ACCSL: variants seen among roughly 807,000 people sequenced by gnomAD.
The protein encoded by ACCSL is probable inactive 1-aminocyclopropane-1-carboxylate synthase-like protein 2.
ACCSL carries 55 observed loss-of-function variants against 61.7 expected under a neutral mutation model. That is an observed-to-expected ratio of 0.89 (90% CI 0.72 to 1.12). ACCSL has a LOEUF of 1.12. ACCSL is among the 50% of genes most tolerant of loss of function. ACCSL has a pLI of 0.00. For synonymous variants in ACCSL, 258 were observed against 264.3 expected, an observed-to-expected ratio of 0.98 and a Z score of 0.23; for missense variants, 632 against 698.0, an observed-to-expected ratio of 0.91 and a Z score of 1.07.
chr11:44,009,462 G>C, the ACCSL span, among the ~76,000 whole-genome samples: 1 of 152,154 alleles, frequency 6.6e-6, no homozygotes. Flanking sequence ...AGAAGAAAAA[G>C]CTGCATATAA....
the ACCSL span, chr11:43,926,341 G>C: frequency 9.8e-6 from 3 of 305,878 alleles, no homozygotes. Context: ...GTCCCCTTGG[G>C]GTCAGTTCTT....
the ACCSL span, among the ~76,000 whole-genome samples, chr11:44,012,921 G>A: frequency 6.6e-6 from 1 of 152,086 alleles, no homozygotes; most frequent in Non-Finnish European, 1.5e-5. Context: ...TCCTTTACTG[G>A]GTTAACCTCC....
the ACCSL span, among the ~76,000 whole-genome samples, chr11:44,035,152 T>G: frequency 2.0e-5 from 3 of 152,136 alleles, no homozygotes; most frequent in Non-Finnish European, 4.4e-5. Flanking sequence ...CCTCTTGCTC[T>G]CAATATCCTA....
chr11:43,989,682 G>T, the ACCSL span, among the ~76,000 whole-genome samples: 1 of 152,212 alleles, frequency 6.6e-6, no homozygotes, highest in Non-Finnish European at 1.5e-5. Flanking sequence ...GGGATTTGGG[G>T]CAGAGGACTT....
chr11:44,037,636 G>A, the ACCSL span, among the ~76,000 whole-genome samples: 2 of 152,342 alleles, frequency 1.3e-5, no homozygotes, highest in Non-Finnish European at 2.9e-5. Flanking sequence ...GGAAGGTGAA[G>A]TTTTTCCACT....
In ACCSL at chr11:44,048,436, G is replaced by A. The variant is rs748718263; in HGVS notation, c.400G>A (p.Asp134Asn). Residue 134 changes from aspartate to asparagine, a missense_variant, in exon 1 of 14, where the codon GAC (aspartate) becomes AAC (asparagine). Asp to Asn is a conservative substitution (Grantham distance 23, BLOSUM62 1). Coordinates refer to ENST00000378832, the MANE Select transcript of ACCSL (RefSeq NM_001031854.2). ...SDCEAAFVNR[D>N]LSIRGIDISV... ...TTGTGAAGCTGCCTTTGTCAACCGC[G>A]ACCTATCCATCCGTGGGATTGACAT... 9.9e-6 allele frequency: 16 copies of A among 1,613,902 alleles called. No homozygotes were observed. Among genetic ancestry groups the A allele is most frequent in the South Asian group, 9.9e-5 (9 of 91,068 alleles).
chr11:44,047,528 A>G (rs1471174715), upstream of ACCSL, among the ~76,000 whole-genome samples: 1 of 152,206 alleles, frequency 6.6e-6, no homozygotes, highest in Non-Finnish European at 1.5e-5. Context: ...GACATAAATA[A>G]ATGAATGGGG....
chr11:44,010,070 A>G, the ACCSL span, among the ~76,000 whole-genome samples: 29 of 152,278 alleles, frequency 1.9e-4, no homozygotes, highest in African/African-American at 5.3e-4. Context: ...GCTGTGTGCA[A>G]TGGCTCATGC....
At chr11:44,016,103 AC>A in the ACCSL span, among the ~76,000 whole-genome samples, 2 of 151,826 alleles carry the variant, frequency 1.3e-5, no homozygotes, top group African/African-American at 4.8e-5. Flanking sequence ...ACCAATGAAG[AC>A]CTCCAAGCAT....
chr11:43,970,685 A>G, the ACCSL span, among the ~76,000 whole-genome samples: 3 of 152,312 alleles, frequency 2.0e-5, no homozygotes, highest in South Asian at 4.1e-4. Context: ...ATACTGAAGA[A>G]TTTTCCTCCT....
the ACCSL span, among the ~76,000 whole-genome samples, chr11:43,940,611 A>C: frequency 6.6e-6 from 1 of 150,506 alleles, no homozygotes. Flanking sequence ...CCGTCCGCCT[A>C]AGCCTCCCAA....
chr11:43,975,073 G>A, the ACCSL span, among the ~76,000 whole-genome samples: 4 of 152,168 alleles, frequency 2.6e-5, no homozygotes, highest in Non-Finnish European at 4.4e-5. Context: ...TTGGAACTGG[G>A]TGGTGGGCAG....
the ACCSL span, among the ~76,000 whole-genome samples, chr11:43,922,465 C>G: frequency 8.9e-4 from 136 of 152,356 alleles, no homozygotes; most frequent in Non-Finnish European, 1.4e-3. Context: ...TGTTTGTTCC[C>G]TGACTTTCCT....
At position 44,059,935 on chromosome 11, in the gene ACCSL, A is replaced by C; in HGVS notation, c.*15A>C. 6.2e-7 allele frequency: 1 copy of C among 1,612,088 alleles called. No homozygotes were observed. Among genetic ancestry groups the C allele is most frequent in the Non-Finnish European group, 8.5e-7 (1 of 1,178,514 alleles). The stretch of plus-strand genomic sequence containing the variant: ...TGAGGGAGTAGGCCGTCTGCCTCCC[A>C]ACCAGCAGTTCCAGCCCATCACTTG... On this transcript the variant is annotated 3_prime_UTR_variant, in exon 14 of 14. Transcript: ENST00000378832.
In ACCSL at chr11:44,056,232, C is replaced by G. The variant is rs368433803; in HGVS notation, c.1233C>G (p.Asn411Lys). The change falls in exon 11 of 14, where the codon AAC becomes AAG. Residue 411 changes from asparagine (N) to lysine (K), a missense_variant. Physicochemically the swap from Asn to Lys is moderately conservative, Grantham distance 94. Coordinates refer to ENST00000378832, the MANE Select transcript of ACCSL (RefSeq NM_001031854.2). ...GCTTTGGTGCTCTGTATACCCACAACAAGGAGGTGGCCTCTGCTGTGAGTG... is the reference window on the plus strand; with the variant it reads ...GCTTTGGTGCTCTGTATACCCACAAGAAGGAGGTGGCCTCTGCTGTGAGTG... ...GFRFGALYTH[N>K]KEVASAVSAF... 1 of 1,614,232 alleles carries G rather than the reference C, an allele frequency of 6.2e-7. No individual in the cohort carries two copies. The highest frequency in any genetic ancestry group is 1.1e-5 in the South Asian group (1 of 91,084).
chr11:43,928,519 A>G, the ACCSL span, among the ~76,000 whole-genome samples: 1 of 152,170 alleles, frequency 6.6e-6, no homozygotes, highest in Non-Finnish European at 1.5e-5. Context: ...CATCCGAGGA[A>G]ACAGTCTGTG....
At chr11:43,929,676 G>A in the ACCSL span, among the ~76,000 whole-genome samples, 1 of 152,270 alleles carries the variant, frequency 6.6e-6, no homozygotes, top group South Asian at 2.1e-4. Flanking sequence ...CAAAATGCTA[G>A]GATTACAGGC....
At chr11:44,010,132 G>C in the ACCSL span, among the ~76,000 whole-genome samples, 1 of 152,188 alleles carries the variant, frequency 6.6e-6, no homozygotes, top group East Asian at 1.9e-4. Context: ...CCTGAGGTCA[G>C]GAGTTTGAGA....
At chr11:43,941,750 T>C in the ACCSL span, among the ~76,000 whole-genome samples, 1 of 152,184 alleles carries the variant, frequency 6.6e-6, no homozygotes, top group East Asian at 1.9e-4. Flanking sequence ...TTTTCCCATA[T>C]GTAAAAATGA....
Sources: allele counts gnomAD v4.1 joint callset (sites outside exome capture counted in the v4.1 genomes callset), GRCh38; gene constraint gnomAD v4.1.1; transcripts MANE v1.5; gene names NCBI Gene and HGNC (gene_info 2026-07-23, HGNC 2026-07-21).